NCAN: variants seen among roughly 807,000 people sequenced by gnomAD.
NCAN encodes the protein neurocan core protein.
NCAN carries 47 observed loss-of-function variants against 121.8 expected under a neutral mutation model. The observed-to-expected ratio is 0.39, with a 90% CI of 0.31 to 0.49. The LOEUF (loss-of-function observed/expected upper bound fraction) is 0.49, where lower values mean the gene tolerates loss of function less well. NCAN is among the 20% of genes least tolerant of loss of function. The probability of loss-of-function intolerance (pLI) is 0.92; values close to 1 mark genes in which losing one functional copy is unlikely to be tolerated. For missense variants in NCAN, 1,517 were observed against 1,773.4 expected (o/e 0.86, Z 2.60); for synonymous variants, 633 against 702.0 (o/e 0.90, Z 1.55).
rs776076569 is a variant in NCAN at position 19,238,400 on chromosome 19, G to C, written c.3398G>C (p.Ser1133Thr). 1 of 1,614,190 alleles carries C rather than the reference G, an allele frequency of 6.2e-7. No individual in the cohort carries two copies. Among genetic ancestry groups the C allele is most frequent in the East Asian group, 2.2e-5 (1 of 44,882 alleles). The change falls in exon 11 of 15, where the codon AGC becomes ACC. Residue 1133 changes from serine (S) to threonine (T), a missense_variant. Transcript: ENST00000252575. Reference sequence around the variant, plus strand: ...AGCGTCCACTCACCGGAGGAACACAGCTTCATTAATAGTAGGGGCTCTGGG... The same window carrying C: ...AGCGTCCACTCACCGGAGGAACACACCTTCATTAATAGTAGGGGCTCTGGG... ...LTSVHSPEEH[S>T]FINSFGHENT...
chr19:19,242,188 C>A (rs1176038569), intron 12 of NCAN, among the ~76,000 whole-genome samples: 1 of 152,076 alleles, frequency 6.6e-6, no homozygotes, highest in East Asian at 1.9e-4. Flanking sequence ...GAGCAGGACT[C>A]CATCTCCAAA....
intron 14 of NCAN, 60 bp from the exon 15 acceptor site, chr19:19,249,705 TC>T (rs1161968499): frequency 4.5e-6 from 7 of 1,539,796 alleles, no homozygotes; most frequent in Non-Finnish European, 6.1e-6. Flanking sequence ...ACCCGCTGCA[TC>T]AGGCCACCTG....
intron 10 of NCAN, among the ~76,000 whole-genome samples, chr19:19,236,595 A>C (rs1226515542): frequency 6.6e-6 from 1 of 151,612 alleles, no homozygotes; most frequent in Non-Finnish European, 1.5e-5. Flanking sequence ...CTCTAGGTTT[A>C]ATTTACTTTT....
chr19:19,228,476 G>C lies in NCAN; in HGVS notation c.2856G>C (p.Pro952=), dbSNP rs10406347. ...TTTCCTCAGGGGAGCCTACGGTACC[G>C]TGGGACCCCTCCAGCACCCTGCTGC... ...ASVSSGEPTV[P]WDPSSTLLPV... Residue 952 remains proline (P), a synonymous_variant, in exon 8 of 15, where the codon CCG becomes CCC. Coordinates refer to ENST00000252575, the MANE Select transcript of NCAN (RefSeq NM_004386.3). The C allele has an allele frequency of 1.2e-6, 2 of 1,613,514 alleles. No individual in the cohort carries two copies.
intron 8 of NCAN, among the ~76,000 whole-genome samples, chr19:19,230,207 G>T (rs1331120231): frequency 1.3e-5 from 2 of 151,774 alleles, no homozygotes; most frequent in African/African-American, 4.8e-5. Context: ...ACCACGCCTG[G>T]CTAATTTTTG....
chr19:19,219,196 C>A lies in NCAN; in HGVS notation c.355C>A (p.Arg119Ser), dbSNP rs778642256. 6.2e-7 allele frequency: 1 copy of A among 1,611,570 alleles called. No homozygotes were observed. ...AGTGTCACTGCCTTCCTACCCCCGGCGCCGAGCCAACGCCACGCTACTTCT... is the reference window on the plus strand; with the variant it reads ...AGTGTCACTGCCTTCCTACCCCCGGAGCCGAGCCAACGCCACGCTACTTCT... ...GRVSLPSYPR[R>S]RANATLLLGP... The change falls in exon 3 of 15, where the codon CGC becomes AGC. Residue 119 changes from arginine (R) to serine (S), a missense_variant. Coordinates refer to ENST00000252575, the MANE Select transcript of NCAN (RefSeq NM_004386.3).
chr19:19,237,953 G>A (rs1048980725), intron 10 of NCAN, among the ~76,000 whole-genome samples: 3 of 152,188 alleles, frequency 2.0e-5, no homozygotes, highest in Admixed American at 6.5e-5. Flanking sequence ...TGAGGTGGGA[G>A]GATTGCTTGA....
At chr19:19,243,244 G>A (rs2060910299) in intron 12 of NCAN, among the ~76,000 whole-genome samples, 3 of 151,834 alleles carry the variant, frequency 2.0e-5, no homozygotes, top group Admixed American at 6.6e-5. Context: ...TAGGCTGTGC[G>A]GGGTGGCTCA....
chr19:19,228,418 C>T lies in NCAN; in HGVS notation c.2798C>T (p.Pro933Leu), dbSNP rs777412280. ...AAACCGGCTGTTCCTCCTGGGACAC[C>T]GACTGCAGCCAGTGTGGGCGAGTCT... ...LGKPAVPPGT[P>L]TAASVGESAS... Residue 933 changes from proline (P) to leucine (L), a missense_variant, in exon 8 of 15, where the codon CCG becomes CTG. Transcript: ENST00000252575. 19 of 1,613,576 alleles carry T rather than the reference C, an allele frequency of 1.2e-5. No homozygotes were observed. Among genetic ancestry groups the T allele is most frequent in the Middle Eastern group, 1.6e-4 (1 of 6,062 alleles).
chr19:19,229,218 C>G lies in NCAN; in HGVS notation c.3019+579C>G, dbSNP rs995157090. On this transcript the variant is annotated intron_variant, in intron 8 of 14. Coordinates refer to ENST00000252575, the MANE Select transcript of NCAN (RefSeq NM_004386.3). Reference sequence around the variant, plus strand: ...AGTGAGACTCTGTCAAAAACAAAAACAAAAACAAAGTGTGGGAGTGGCGAG... The same window carrying G: ...AGTGAGACTCTGTCAAAAACAAAAAGAAAAACAAAGTGTGGGAGTGGCGAG... Among the ~76,000 whole-genome samples, 2 of 152,066 alleles carry G rather than the reference C, an allele frequency of 1.3e-5. 1 individual carries two copies. Among genetic ancestry groups the G allele is most frequent in the African/African-American group, 4.8e-5 (2 of 41,412 alleles).
At chr19:19,245,995 G>T (rs1315060721) in intron 13 of NCAN, among the ~76,000 whole-genome samples, 2 of 152,016 alleles carry the variant, frequency 1.3e-5, no homozygotes, top group African/African-American at 4.8e-5. Context: ...GCCAAGGTGG[G>T]TGGGATTATA....
intron 10 of NCAN, among the ~76,000 whole-genome samples, chr19:19,237,791 T>G (rs567707969): frequency 4.6e-5 from 7 of 151,930 alleles, no homozygotes; most frequent in Non-Finnish European, 1.0e-4. Context: ...CGTCTGTAAT[T>G]CCAGCATTTT....
At chr19:19,245,581 C>G (rs10414343) in intron 13 of NCAN, 124 bp downstream of exon 13, 143,576 of 1,108,214 alleles carry the variant, frequency 0.13, 13,481 homozygotes, top group East Asian at 0.33. Context: ...GGGTTCAAGC[C>G]ATCCTCCTGC....
At chr19:19,245,484 C>T in intron 13 of NCAN, 27 bp downstream of exon 13, 1 of 1,604,662 alleles carries the variant, frequency 6.2e-7, no homozygotes, top group Non-Finnish European at 8.5e-7. Context: ...GCTTCTTTTC[C>T]TCTCTGTCAC....
Position 19,250,144 on chromosome 19 carries a change from A to G in NCAN, c.*233A>G, listed in dbSNP as rs1248461481. The G allele has an allele frequency of 1.5e-6, 1 of 672,196 alleles. No homozygotes were observed. Among genetic ancestry groups the G allele is most frequent in the Admixed American group, 2.1e-5 (1 of 48,720 alleles). The allele number at this position is 672,196 out of a possible 1,614,324, so 41.6% of individuals were successfully genotyped here. ...TGAAAAGTTCATTCTCGTCTGGCTG[A>G]ACTCTGGGAGTGTGTCCCAGCTGAG... On this transcript the variant is annotated 3_prime_UTR_variant, in exon 15 of 15. Coordinates refer to ENST00000252575, the MANE Select transcript of NCAN (RefSeq NM_004386.3).
intron 12 of NCAN, 78 bp downstream of exon 12, chr19:19,240,763 CAA>C: frequency 6.9e-7 from 1 of 1,451,988 alleles, no homozygotes; most frequent in Non-Finnish European, 9.7e-7. Context: ...CCCTTTTGTG[CAA>C]AGTTATCGCA....
rs2060830308 is a variant in NCAN at position 19,225,046 on chromosome 19, A to G, written c.848A>G (p.Gln283Arg). The G allele has an allele frequency of 6.6e-7, 1 of 1,506,130 alleles. No homozygotes were observed. The highest frequency in any genetic ancestry group is 2.6e-5 in the East Asian group (1 of 38,006). 93.3% of individuals were successfully genotyped at this position (1,506,130 alleles called of 1,614,324 possible). ...GGCGCGCGTGCACAGTGCCGCCGCC[A>G]GGGTGCCGCGCTGGCCTCGGTGGGA... The part of the protein sequence containing the change: ...LAGARAQCRR[Q>R]GAALASVGQL... The change falls in exon 6 of 15, where the codon CAG (glutamine) becomes CGG (arginine). Residue 283 changes from glutamine to arginine, a missense_variant. Transcript: ENST00000252575. This position sits in a 1 kb window ranked among gnomAD's most constrained non-coding sequence, Gnocchi z 4.0.
In NCAN at chr19:19,219,197, G is replaced by T. The variant is rs370512552; in HGVS notation, c.356G>T (p.Arg119Leu). The T allele has an allele frequency of 1.2e-6, 2 of 1,611,462 alleles. No homozygotes were observed. The highest frequency in any genetic ancestry group is 2.2e-5 in the East Asian group (1 of 44,874). ...GRVSLPSYPR[R>L]RANATLLLGP... ...GTGTCACTGCCTTCCTACCCCCGGC[G>T]CCGAGCCAACGCCACGCTACTTCTG... Residue 119 changes from arginine to leucine, a missense_variant, in exon 3 of 15, where the codon CGC (arginine) becomes CTC (leucine). Arg to Leu is a moderately radical substitution (Grantham distance 102). Transcript: ENST00000252575.
chr19:19,235,879 T>G (rs1367354192), intron 10 of NCAN, among the ~76,000 whole-genome samples: 3 of 152,170 alleles, frequency 2.0e-5, no homozygotes, highest in Non-Finnish European at 4.4e-5. Flanking sequence ...CCCAGTAGGC[T>G]GGGACTACAG....
Sources: gnomAD v4.1 joint callset for allele counts (sites outside exome capture counted in the v4.1 genomes callset) on GRCh38, gnomAD v4.1.1 for gene constraint, Gnocchi (gnomAD v3.1) non-coding constraint, MANE v1.5 for transcripts, NCBI Gene and HGNC (gene_info 2026-07-23, HGNC 2026-07-21) for gene names.